The following EP300 variants were observed in gnomAD, a reference collection of about 807,000 sequenced individuals.
EP300 encodes histone acetyltransferase p300.
EP300 carries 31 observed loss-of-function variants against 264.0 expected under a neutral mutation model. The ratio of observed to expected loss-of-function variants is 0.12; its 90% confidence interval spans 0.09 to 0.16. EP300 has a LOEUF of 0.16. Among genes scored for constraint, EP300 ranks in the 10% least tolerant of loss-of-function variants. The pLI, the probability that EP300 is intolerant of heterozygous loss-of-function variation, is 1.00. For synonymous variants in EP300, 1,340 were observed against 1,045.4 expected (o/e 1.28, Z -5.44); for missense variants, 2,766 against 3,052.9 (o/e 0.91, Z 2.21).
At chr22:41,096,903 G>A (rs952869118) in intron 1 of EP300, among the ~76,000 whole-genome samples, 1 of 152,144 alleles carries the variant, frequency 6.6e-6, no homozygotes, top group Non-Finnish European at 1.5e-5. Context: ...ACAGGCGTGA[G>A]CCACCATGCC....
intron 17 of EP300, among the ~76,000 whole-genome samples, chr22:41,155,358 A>AGCT (rs1022026482): frequency 3.3e-5 from 5 of 151,912 alleles, no homozygotes; most frequent in African/African-American, 9.7e-5. Context: ...CATCCTGAGT[A>AGCT]GCTGGGATAA....
intron 29 of EP300, chr22:41,174,495 A>G (rs2059188833): frequency 6.6e-6 from 1 of 151,910 alleles, no homozygotes; most frequent in Non-Finnish European, 1.5e-5. Context: ...TGGACTTACA[A>G]CCCCCTTCTC....
At position 41,092,939 on chromosome 22, in the gene EP300, C is replaced by A. The variant is rs888701019; in HGVS notation, c.-66C>A. On this transcript the variant is annotated 5_prime_UTR_variant, in exon 1 of 31. Transcript: ENST00000263253. The stretch of plus-strand genomic sequence containing the variant: ...ACCCCTGGGTGCGGCGCGGGGACCC[C>A]GGGCCGAAGAAGAGATTTCCTGAGG... 2 of 1,590,810 alleles carry A rather than the reference C, an allele frequency of 1.3e-6. No individual in the cohort carries two copies. The highest frequency in any genetic ancestry group is 2.2e-5 in the South Asian group (2 of 90,572).
At position 41,173,740 on chromosome 22, in the gene EP300, G is replaced by A. The variant is rs760998327; in HGVS notation, c.4735G>A (p.Asp1579Asn). ...KKPGMPNVSN[D>N]LSQKLYATME... ...ACCCGGGATGCCCAATGTATCTAAC[G>A]ACCTCTCACAGAAACTATATGCCAC... Residue 1579 changes from aspartate (D) to asparagine (N), a missense_variant, in exon 29 of 31, where the codon GAC becomes AAC. Coordinates refer to ENST00000263253, the MANE Select transcript of EP300 (RefSeq NM_001429.4). 1.1e-5 allele frequency: 18 copies of A among 1,614,024 alleles called. No homozygotes were observed. The highest frequency in any genetic ancestry group is 3.3e-5 in the South Asian group (3 of 91,080).
At chr22:41,153,460 A>G (rs184429863) in intron 16 of EP300, among the ~76,000 whole-genome samples, 16 of 152,244 alleles carry the variant, frequency 1.1e-4, no homozygotes, top group East Asian at 5.8e-4. Flanking sequence ...ACTATTGGCA[A>G]TCTCTCTTTA....
intron 20 of EP300, among the ~76,000 whole-genome samples, chr22:41,161,231 G>A (rs1007669127): frequency 1.3e-5 from 2 of 152,146 alleles, no homozygotes; most frequent in Non-Finnish European, 2.9e-5. Flanking sequence ...ACAGCATGCC[G>A]GGGTTTAAGA....
intron 1 of EP300, among the ~76,000 whole-genome samples, chr22:41,103,136 A>G (rs2058740954): frequency 6.6e-6 from 1 of 152,152 alleles, no homozygotes; most frequent in African/African-American, 2.4e-5. Context: ...AGGCATGAGC[A>G]GCTGTGCCCA....
chr22:41,108,249 T>C (rs1290331811), intron 1 of EP300, among the ~76,000 whole-genome samples: 10 of 130,406 alleles, frequency 7.7e-5, no homozygotes, highest in East Asian at 3.1e-4. Context: ...TTTTTCTTTT[T>C]TTTTTTTTTT....
At position 41,157,385 on chromosome 22, in the gene EP300, C is replaced by G. The variant is rs1463870283; in HGVS notation, c.3478C>G (p.Leu1160Val). ...AGAAATTGACCCAGTGATGCAAAGC[C>G]TTGGATACTGTTGTGGCAGAAAGGT... is the stretch of plus-strand genomic sequence containing the variant. ...EQEIDPVMQSLGYCCGRKLEF... is the reference protein window; with the variant it reads ...EQEIDPVMQSVGYCCGRKLEF... Residue 1160 changes from leucine (L) to valine (V), a missense_variant, in exon 18 of 31, where the codon CTT (leucine) becomes GTT (valine). Leu to Val is a conservative substitution (Grantham distance 32, BLOSUM62 1). Coordinates refer to ENST00000263253, the MANE Select transcript of EP300 (RefSeq NM_001429.4). The G allele has an allele frequency of 2.6e-5, 42 of 1,613,954 alleles. No homozygotes were observed. Among genetic ancestry groups the G allele is most frequent in the Non-Finnish European group, 3.4e-5 (40 of 1,180,038 alleles).
At chr22:41,142,617 G>A (rs542766571) in intron 10 of EP300, among the ~76,000 whole-genome samples, 35 of 152,294 alleles carry the variant, frequency 2.3e-4, no homozygotes, top group African/African-American at 8.2e-4. Context: ...TGGGTGCGGT[G>A]GTTCATGCCT....
chr22:41,104,220 A>G (rs898433327), intron 1 of EP300, among the ~76,000 whole-genome samples: 2 of 152,196 alleles, frequency 1.3e-5, no homozygotes, highest in African/African-American at 2.4e-5. Context: ...TAGGCTTACT[A>G]TAAAACATGT....
At chr22:41,176,083 G>C in intron 29 of EP300, 164 bp from the exon 30 acceptor site, 1 of 752,480 alleles carries the variant, frequency 1.3e-6, no homozygotes. Context: ...AGCCAGGTGT[G>C]GTGGTGTGGG....
At chr22:41,159,295 T>C (rs939519891) in intron 19 of EP300, 18 of 152,264 alleles carry the variant, frequency 1.2e-4, no homozygotes, top group African/African-American at 4.3e-4. Context: ...TGGTTTTTGC[T>C]GAACTTGTGT....
At chr22:41,143,138 A>G (rs181727680) in intron 10 of EP300, among the ~76,000 whole-genome samples, 67 of 152,180 alleles carry the variant, frequency 4.4e-4, no homozygotes, top group African/African-American at 1.6e-3. Context: ...CCTTAACCTG[A>G]TACACAGAAA....
chr22:41,135,567 T>A (rs2058945910), intron 6 of EP300, among the ~76,000 whole-genome samples: 2 of 146,254 alleles, frequency 1.4e-5, no homozygotes, highest in African/African-American at 5.2e-5. Context: ...CACATTTGCT[T>A]TTTTTTTTTA....
intron 14 of EP300, 54 bp from the exon 15 acceptor site, chr22:41,151,779 A>G: frequency 1.3e-6 from 2 of 1,556,940 alleles, no homozygotes; most frequent in Non-Finnish European, 1.8e-6. Context: ...TTCTGATTGT[A>G]TCGTTGGCAG....
At chr22:41,149,301 T>C in intron 13 of EP300, 126 bp downstream of exon 13, 1 of 1,134,252 alleles carries the variant, frequency 8.8e-7, no homozygotes. Flanking sequence ...AAAATAACAA[T>C]TTTGGACTTA....
intron 23 of EP300, 195 bp from the exon 24 acceptor site, chr22:41,168,254 T>A: frequency 1.6e-6 from 1 of 607,226 alleles, no homozygotes; most frequent in South Asian, 1.9e-5. Context: ...TAGAATGATA[T>A]GAAGATTAGC....
In EP300 at chr22:41,131,396, A is replaced by G. The variant is rs1421345069; in HGVS notation, c.1291A>G (p.Thr431Ala). ...GDKRNQQPIL[T>A]GAPVGLGNPS... ...TCTTTTGTCTTCTCTAGCAATTTTG[A>G]CTGGAGCACCCGTTGGACTTGGAAA... Residue 431 changes from threonine to alanine, a missense_variant, in exon 6 of 31, where the codon ACT (threonine) becomes GCT (alanine). Transcript: ENST00000263253. 6.2e-7 allele frequency: 1 copy of G among 1,613,750 alleles called. No homozygotes were observed. The highest frequency in any genetic ancestry group is 1.7e-5 in the Admixed American group (1 of 59,984).
Sources: gnomAD v4.1 joint callset for allele counts (sites outside exome capture counted in the v4.1 genomes callset) on GRCh38, gnomAD v4.1.1 for gene constraint, MANE v1.5 for transcripts, NCBI Gene and HGNC (gene_info 2026-07-23, HGNC 2026-07-21) for gene names.